HS6ST3: variants seen among roughly 807,000 people sequenced by gnomAD.
HS6ST3 encodes heparan-sulfate 6-O-sulfotransferase 3.
Under a neutral mutation model 36.7 loss-of-function variants are expected in HS6ST3, and 12 were observed. The observed-to-expected ratio is 0.33, with a 90% CI of 0.21 to 0.53. HS6ST3 has a LOEUF of 0.53. HS6ST3 is among the 20% of genes least tolerant of loss of function. The pLI is 0.95. For synonymous variants in HS6ST3, 240 were observed against 257.5 expected, an observed-to-expected ratio of 0.93 and a Z score of 0.65; for missense variants, 584 against 640.9, an observed-to-expected ratio of 0.91 and a Z score of 0.96.
chr13:96,299,997 G>A lies in HS6ST3; in HGVS notation c.707+208428G>A, dbSNP rs183692501. 2.1e-3 allele frequency among the ~76,000 whole-genome samples: 323 copies of A among 151,278 alleles called. 5 individuals carry two copies. The highest frequency in any genetic ancestry group is 0.021 in the Middle Eastern group (6 of 292). On this transcript the variant is annotated intron_variant, in intron 1 of 1. Transcript: ENST00000376705. ...TGGCGGAAGAGCAAAGGTGAAGCAG[G>A]CATGTCTTCACATGGCAGCAGGAGA...
At chr13:96,235,995 C>A (rs1027571320) in intron 1 of HS6ST3, among the ~76,000 whole-genome samples, 5 of 152,162 alleles carry the variant, frequency 3.3e-5, no homozygotes, top group Non-Finnish European at 5.9e-5. Flanking sequence ...GCCAACAGTG[C>A]AGCCTTCAGC....
intron 1 of HS6ST3, among the ~76,000 whole-genome samples, chr13:96,654,509 A>T (rs570664809): frequency 6.6e-6 from 1 of 152,162 alleles, no homozygotes; most frequent in African/African-American, 2.4e-5. Flanking sequence ...GTCAAAGCTC[A>T]GAAGGTTATA....
Position 96,507,954 on chromosome 13 carries a change from A to C in HS6ST3, c.708-324536A>C, listed in dbSNP as rs139862968. Among the ~76,000 whole-genome samples, 219 of 152,250 alleles carry C rather than the reference A, an allele frequency of 1.4e-3. 1 individual carries two copies. The South Asian group carries it at 0.022, about 15-fold the overall frequency. On this transcript the variant is annotated intron_variant, in intron 1 of 1. Coordinates refer to ENST00000376705, the MANE Select transcript of HS6ST3 (RefSeq NM_153456.4). ...ACTTTACCAAAAATATTGGAACCTG[A>C]AAGTGTCTAAGGTTAAAAATAAGAG...
intron 1 of HS6ST3, among the ~76,000 whole-genome samples, chr13:96,250,272 G>A (rs763221233): frequency 1.3e-5 from 2 of 152,168 alleles, no homozygotes; most frequent in Non-Finnish European, 2.9e-5. Context: ...CCCCTGTGGT[G>A]GATTGAATGG....
chr13:96,279,683 C>T (rs994209766), intron 1 of HS6ST3, among the ~76,000 whole-genome samples: 1 of 152,078 alleles, frequency 6.6e-6, no homozygotes. Context: ...CTCTATTTCC[C>T]TTTCTTCTTT....
At chr13:96,539,305 C>T (rs368826055) in intron 1 of HS6ST3, among the ~76,000 whole-genome samples, 2 of 152,046 alleles carry the variant, frequency 1.3e-5, no homozygotes, top group African/African-American at 4.8e-5. Context: ...CCTATGACTA[C>T]GACTATAAAA....
chr13:96,748,697 C>T (rs1366145146), intron 1 of HS6ST3, among the ~76,000 whole-genome samples: 2 of 152,032 alleles, frequency 1.3e-5, no homozygotes, highest in Admixed American at 1.3e-4. Context: ...CACTTGAGTG[C>T]TTGAAGTCAC....
At chr13:96,095,837 T>C (rs1308884471) in intron 1 of HS6ST3, among the ~76,000 whole-genome samples, 1 of 150,406 alleles carries the variant, frequency 6.6e-6, no homozygotes, top group Non-Finnish European at 1.5e-5. Flanking sequence ...TGACTCACCT[T>C]GTATCACAGA....
intron 1 of HS6ST3, among the ~76,000 whole-genome samples, chr13:96,786,398 T>G (rs968390355): frequency 2.0e-5 from 3 of 152,178 alleles, no homozygotes; most frequent in African/African-American, 7.2e-5. Context: ...TCTGTTTCCC[T>G]CATGAGTTTG....
intron 1 of HS6ST3, among the ~76,000 whole-genome samples, chr13:96,430,228 A>T (rs1594778483): frequency 6.6e-6 from 1 of 152,280 alleles, no homozygotes; most frequent in East Asian, 1.9e-4. Flanking sequence ...TTCTGGCTTC[A>T]TTGGAGTTAT....
chr13:96,185,205 T>G (rs1004314980), intron 1 of HS6ST3, among the ~76,000 whole-genome samples: 2 of 152,218 alleles, frequency 1.3e-5, no homozygotes, highest in African/African-American at 2.4e-5. Context: ...TACAGAATAC[T>G]AAGTTTGTCC....
chr13:96,146,494 C>T (rs1403469186), intron 1 of HS6ST3, among the ~76,000 whole-genome samples: 1 of 152,174 alleles, frequency 6.6e-6, no homozygotes, highest in East Asian at 1.9e-4. Flanking sequence ...GTGATTTTTG[C>T]ACATTGATTT....
chr13:96,713,057 C>T (rs1016699931), intron 1 of HS6ST3, among the ~76,000 whole-genome samples: 3 of 152,312 alleles, frequency 2.0e-5, no homozygotes, highest in Admixed American at 2.0e-4. Flanking sequence ...GGTACCACAA[C>T]TTTACTATTG....
At position 96,092,928 on chromosome 13, in the gene HS6ST3, G is replaced by A. The variant is rs555788615; in HGVS notation, c.707+1359G>A. On this transcript the variant is annotated intron_variant, in intron 1 of 1. Coordinates refer to ENST00000376705, the MANE Select transcript of HS6ST3 (RefSeq NM_153456.4). ...AGGCTCTTCTCTTAGTATATTTTACGGATCCTTTGCTTTTAAATATTTTTA... is the reference window on the plus strand; with the variant it reads ...AGGCTCTTCTCTTAGTATATTTTACAGATCCTTTGCTTTTAAATATTTTTA... Among the ~76,000 whole-genome samples, 6 of 152,184 alleles carry A rather than the reference G, an allele frequency of 3.9e-5. No homozygotes were observed. In the South Asian group the frequency reaches 6.2e-4, roughly 16 times the overall value.
intron 1 of HS6ST3, among the ~76,000 whole-genome samples, chr13:96,541,421 C>CA (rs1297931669): frequency 1.3e-5 from 2 of 152,178 alleles, no homozygotes; most frequent in African/African-American, 2.4e-5. Context: ...CTGATTAGTA[C>CA]AAAAAACAGT....
At chr13:96,258,398 A>G (rs537594641) in intron 1 of HS6ST3, among the ~76,000 whole-genome samples, 3 of 152,346 alleles carry the variant, frequency 2.0e-5, no homozygotes, top group African/African-American at 7.2e-5. Context: ...AAGTCTGAAC[A>G]TTAGAAAAAC....
intron 1 of HS6ST3, among the ~76,000 whole-genome samples, chr13:96,595,849 T>C (rs2056399582): frequency 1.3e-5 from 2 of 152,056 alleles, no homozygotes; most frequent in Non-Finnish European, 2.9e-5. Flanking sequence ...CTTTTTTTTT[T>C]CAGCTCCAGG....
chr13:96,129,300 C>T (rs182119115), intron 1 of HS6ST3, among the ~76,000 whole-genome samples: 114 of 152,286 alleles, frequency 7.5e-4, no homozygotes, highest in Non-Finnish European at 5.9e-5. Context: ...GCAAGAAGAT[C>T]GTTTTGTACT....
chr13:96,352,323 C>T (rs758008168), intron 1 of HS6ST3, among the ~76,000 whole-genome samples: 5 of 152,208 alleles, frequency 3.3e-5, no homozygotes, highest in Non-Finnish European at 7.3e-5. Context: ...TGCAGTCATG[C>T]CTGCTATCAT....
Sources: allele counts gnomAD v4.1 joint callset (sites outside exome capture counted in the v4.1 genomes callset), GRCh38; gene constraint gnomAD v4.1.1; transcripts MANE v1.5; gene names NCBI Gene and HGNC (gene_info 2026-07-23, HGNC 2026-07-21).